CCNC: variants seen among roughly 807,000 people sequenced by gnomAD.
CCNC encodes the protein cyclin-C.
CCNC carries 19 observed loss-of-function variants against 50.0 expected under a neutral mutation model. The ratio of observed to expected loss-of-function variants is 0.38; its 90% CI spans 0.27 to 0.56. CCNC has a LOEUF of 0.56. Ranked by LOEUF, CCNC falls within the 20% of genes least tolerant of loss-of-function variation. CCNC has a pLI of 0.72. For synonymous variants in CCNC, 93 were observed against 103.7 expected, an observed-to-expected ratio of 0.90 and a Z score of 0.63; for missense variants, 200 against 327.1, an observed-to-expected ratio of 0.61 and a Z score of 3.00.
rs1011186727 is a variant in CCNC at position 99,542,914 on chromosome 6, T to C, written c.*641A>G. On this transcript the variant is annotated 3_prime_UTR_variant, in exon 12 of 12. Coordinates refer to ENST00000520429, the MANE Select transcript of CCNC (RefSeq NM_005190.4). ...ATTTCAAAATGGTTATGGACTATCA[T>C]GTTTAAAATGTCAAAGTATGCTATA... 6.6e-6 allele frequency: 1 copy of C among 152,612 alleles called. No individual in the cohort carries two copies. The highest frequency in any genetic ancestry group is 1.5e-5 in the Non-Finnish European group (1 of 68,000). 9.5% of individuals were successfully genotyped at this position (152,612 alleles called of 1,614,324 possible).
intron 4 of CCNC, 104 bp downstream of exon 4, chr6:99,561,263 T>A: frequency 1.3e-6 from 1 of 783,706 alleles, no homozygotes; most frequent in Non-Finnish European, 2.3e-6. Flanking sequence ...GTATTTTGCA[T>A]AAATTACCAT....
intron 1 of CCNC, 45 bp from the exon 2 acceptor site, chr6:99,562,993 A>G: frequency 8.3e-7 from 1 of 1,199,270 alleles, no homozygotes; most frequent in Non-Finnish European, 1.2e-6. Context: ...AGGTCAGAGG[A>G]AACACTCTAA....
chr6:99,550,484 T>C, intron 7 of CCNC, 175 bp from the exon 8 acceptor site: 1 of 550,606 alleles, frequency 1.8e-6, no homozygotes, highest in Non-Finnish European at 3.2e-6. Flanking sequence ...AACTCTACCG[T>C]AATAGTGAAG....
In CCNC at chr6:99,558,475, CA is replaced by C. The variant is rs777205981; in HGVS notation, c.346+21del. ...TTTCTTTAGAATTACATCCTTAAAG[CA>C]GATATACTTTTTGCACTTACATACA... On this transcript the variant is annotated intron_variant, in intron 5 of 11. Coordinates refer to ENST00000520429, the MANE Select transcript of CCNC (RefSeq NM_005190.4). The C allele has an allele frequency of 2.7e-5, 43 of 1,610,304 alleles. 3 individuals are homozygous for C. The South Asian group carries it at 3.6e-4, about 14-fold the overall frequency.
chr6:99,568,099 G>T (rs774712648), intron 1 of CCNC: 1 of 188,464 alleles, frequency 5.3e-6, no homozygotes, highest in Non-Finnish European at 1.1e-5. Context: ...ATCACCCGAA[G>T]AAACCCCAGG....
Position 99,565,389 on chromosome 6 carries a change from A to T in CCNC, c.33-2441T>A, listed in dbSNP as rs542054503. On this transcript the variant is annotated intron_variant, in intron 1 of 11. Transcript: ENST00000520429. ...TTCCCTCTGTATATTTTCTGTTGCTAATGTAAATTATACTTCTCTATCCAT... is the reference window on the plus strand; with the variant it reads ...TTCCCTCTGTATATTTTCTGTTGCTTATGTAAATTATACTTCTCTATCCAT... 2.0e-3 allele frequency among the ~76,000 whole-genome samples: 300 copies of T among 152,128 alleles called. 3 individuals are homozygous for T. The highest frequency in any genetic ancestry group is 6.9e-3 in the African/African-American group (285 of 41,542).
At chr6:99,555,017 G>A (rs1033668369) in intron 5 of CCNC, among the ~76,000 whole-genome samples, 4 of 152,060 alleles carry the variant, frequency 2.6e-5, no homozygotes, top group South Asian at 2.1e-4. Context: ...GTAAATTCCC[G>A]CTCCAACAAT....
At chr6:99,550,117 G>C in intron 8 of CCNC, 101 bp downstream of exon 8, 1 of 766,276 alleles carries the variant, frequency 1.3e-6, no homozygotes. Context: ...ATATCTTGGG[G>C]CAATAGTTTA....
chr6:99,557,070 T>C (rs1802549147), intron 5 of CCNC, among the ~76,000 whole-genome samples: 1 of 152,206 alleles, frequency 6.6e-6, no homozygotes, highest in Non-Finnish European at 1.5e-5. Flanking sequence ...GAGCTTTCCC[T>C]ATTTGACTAA....
intron 11 of CCNC, 128 bp from the exon 12 acceptor site, chr6:99,543,737 TATAAGACACGTGA>T: frequency 6.8e-7 from 1 of 1,462,106 alleles, no homozygotes; most frequent in Non-Finnish European, 9.0e-7. Context: ...CATTCCTCAT[TATAAGACACGTGA>T]AAAATTAAAA....
Position 99,545,108 on chromosome 6 carries a change from G to A in CCNC, c.797+4C>T. ...GACATCAATAATTAAAGTCTACAAAGTACCTGTTTGGAGGTGGTTTTGGTT... is the reference window on the plus strand; with the variant it reads ...GACATCAATAATTAAAGTCTACAAAATACCTGTTTGGAGGTGGTTTTGGTT... On this transcript the variant is annotated splice_donor_region_variant and intron_variant, in intron 11 of 11. Coordinates refer to ENST00000520429, the MANE Select transcript of CCNC (RefSeq NM_005190.4). 1 of 1,404,902 alleles carries A rather than the reference G, an allele frequency of 7.1e-7. No individual in the cohort carries two copies. The highest frequency in any genetic ancestry group is 1.0e-6 in the Non-Finnish European group (1 of 989,774). The allele number at this position is 1,404,902 out of a possible 1,614,324, so 87.0% of individuals were successfully genotyped here.
intron 5 of CCNC, among the ~76,000 whole-genome samples, chr6:99,554,802 T>C (rs1802448127): frequency 6.6e-6 from 1 of 152,188 alleles, no homozygotes; most frequent in Non-Finnish European, 1.5e-5. Flanking sequence ...TGGAGAATGA[T>C]ATTAGAAACC....
Position 99,550,249 on chromosome 6 carries a change from C to T in CCNC, c.499G>A (p.Gly167Ser). 1.9e-6 allele frequency: 3 copies of T among 1,612,550 alleles called. No homozygotes were observed. Among genetic ancestry groups the T allele is most frequent in the Non-Finnish European group, 1.7e-6 (2 of 1,179,098 alleles). Residue 167 changes from glycine to serine, a missense_variant, in exon 8 of 12, where the codon GGC becomes AGC. Gly to Ser is a moderately conservative substitution (Grantham distance 56). Coordinates refer to ENST00000520429, the MANE Select transcript of CCNC (RefSeq NM_005190.4). ...RPLLQYVQDM[G>S]QEDMLLPLAW... ...AGGGGAAGCAACATGTCTTCTTGGC[C>T]CATGTCCTGCACATACTGGAGCAAA...
intron 5 of CCNC, among the ~76,000 whole-genome samples, chr6:99,555,819 T>C (rs867174642): frequency 3.9e-5 from 6 of 152,216 alleles, no homozygotes; most frequent in Admixed American, 6.5e-5. Context: ...TCTACTAACA[T>C]ATTTATACTT....
At chr6:99,545,056 T>C (rs1315348474) in intron 11 of CCNC, 56 bp downstream of exon 11, 2 of 797,298 alleles carry the variant, frequency 2.5e-6, no homozygotes, top group Non-Finnish European at 4.2e-6. Flanking sequence ...CTAAGAAAAA[T>C]ATAGTAAGTA....
intron 11 of CCNC, chr6:99,543,936 TAAAC>T: frequency 8.0e-7 from 1 of 1,247,886 alleles, no homozygotes; most frequent in Non-Finnish European, 1.0e-6. Context: ...CAGCTTCTTC[TAAAC>T]AAATTTCCTA....
intron 5 of CCNC, among the ~76,000 whole-genome samples, chr6:99,556,196 T>C (rs1802503331): frequency 6.6e-6 from 1 of 152,246 alleles, no homozygotes; most frequent in African/African-American, 2.4e-5. Flanking sequence ...GTTTTTAAAT[T>C]GTGTTAAGAT....
At chr6:99,562,387 A>G (rs1802818525) in intron 2 of CCNC, 1 of 152,392 alleles carries the variant, frequency 6.6e-6, no homozygotes, top group Admixed American at 6.5e-5. Context: ...CTCAAAAAAA[A>G]GATAAGTTTA....
chr6:99,547,654 T>C (rs1802121630), intron 9 of CCNC, among the ~76,000 whole-genome samples: 1 of 152,204 alleles, frequency 6.6e-6, no homozygotes, highest in Non-Finnish European at 1.5e-5. Flanking sequence ...CCCTGGCTTC[T>C]ACCCACTAGA....
Sources: gnomAD v4.1 joint callset for allele counts (sites outside exome capture counted in the v4.1 genomes callset) on GRCh38, gnomAD v4.1.1 for gene constraint, MANE v1.5 for transcripts, NCBI Gene and HGNC (gene_info 2026-07-23, HGNC 2026-07-21) for gene names.